The following KAT2A variants were observed in gnomAD, a reference collection of about 807,000 sequenced individuals.
The protein encoded by KAT2A is lysine acetyltransferase 2A.
In KAT2A, 42 loss-of-function variants were observed where a neutral mutation model predicts 95.2. The ratio of observed to expected loss-of-function variants is 0.44; its 90% confidence interval spans 0.34 to 0.57. The LOEUF (loss-of-function observed/expected upper bound fraction) is 0.57, where lower values mean the gene tolerates loss of function less well. Ranked by LOEUF, KAT2A falls within the 20% of genes least tolerant of loss-of-function variation. The pLI, the probability that KAT2A is intolerant of heterozygous loss-of-function variation, is 0.01. For synonymous variants in KAT2A, 449 were observed against 448.2 expected (o/e 1.00, Z -0.02); for missense variants, 784 against 1,126.3 (o/e 0.70, Z 4.35).
In KAT2A at chr17:42,121,170, T is replaced by A; in HGVS notation, c.135A>T (p.Ala45=). 1 of 1,418,652 alleles carries A rather than the reference T, an allele frequency of 7.0e-7. No individual in the cohort carries two copies. The highest frequency in any genetic ancestry group is 9.3e-7 in the Non-Finnish European group (1 of 1,069,768). The allele number at this position is 1,418,652 out of a possible 1,614,324, so 87.9% of individuals were successfully genotyped here. A position where few individuals can be genotyped will look rare whatever the true frequency, so the allele number is the denominator to read the frequency against. ...ASAPIPTPTP[A]PAPAPAAAPA... ...GGGCTGCAGCTGGGGCAGGGGCTGG[T>A]GCCGGGGTGGGAGTCGGAATCGGGG... is the stretch of plus-strand genomic sequence containing the variant. Residue 45 remains alanine (A), a synonymous_variant, in exon 1 of 18, where the codon GCA becomes GCT. Transcript: ENST00000225916.
rs782788761 is a variant in KAT2A, at chr17:42,119,542, G to A, written c.876C>T (p.Tyr292=). Residue 292 remains tyrosine (Y), a synonymous_variant, in exon 5 of 18, where the codon TAC becomes TAT. Coordinates refer to ENST00000225916, the MANE Select transcript of KAT2A (RefSeq NM_021078.3). The surrounding 1 kb of genome is among the most constrained non-coding windows in gnomAD (Gnocchi z 5.3). The part of the protein sequence containing the change: ...AEDVATYKVN[Y]TRWLCYCHVP... Reference sequence around the variant, plus strand: ...CTGCCCCTGGCTGGGCCTACCTGGTGTAATTGACCTTGTAGGTAGCCACGT... The same window carrying A: ...CTGCCCCTGGCTGGGCCTACCTGGTATAATTGACCTTGTAGGTAGCCACGT... 46 of 1,594,710 alleles carry A rather than the reference G, an allele frequency of 2.9e-5. 2 individuals are homozygous for A. In the South Asian group the frequency reaches 4.4e-4, roughly 15 times the overall value.
In KAT2A at chr17:42,119,253, G is replaced by A; in HGVS notation, c.1065C>T (p.His355=). ...GCCAGAAGGAGCCTTACTTGGGGAAGTGAGTGAGGATGAGGGTCCTCTTCT... is the reference window on the plus strand; with the variant it reads ...GCCAGAAGGAGCCTTACTTGGGGAAATGAGTGAGGATGAGGGTCCTCTTCT... ...VPEKRTLILT[H]FPKFLSMLEE... The change falls in exon 6 of 18, where the codon CAC becomes CAT. Residue 355 remains histidine (H), a synonymous_variant. Transcript: ENST00000225916. This position sits in a 1 kb window ranked among gnomAD's most constrained non-coding sequence, Gnocchi z 5.3. The A allele has an allele frequency of 6.2e-7, 1 of 1,604,250 alleles. No homozygotes were observed. The highest frequency in any genetic ancestry group is 8.5e-7 in the Non-Finnish European group (1 of 1,172,816).
Position 42,117,732 on chromosome 17 carries a change from C to T in KAT2A, c.1374G>A (p.Leu458=). The T allele has an allele frequency of 1.9e-6, 3 of 1,613,844 alleles. No individual in the cohort carries two copies. Among genetic ancestry groups the T allele is most frequent in the South Asian group, 1.1e-5 (1 of 91,058 alleles). The stretch of plus-strand genomic sequence containing the variant: ...TGATGGTCAGCATGACCTCATTGAC[C>T]AGCTCCATGGGGATGTCACCCATCA... ...LRVMGDIPME[L]VNEVMLTITD... is the part of the protein sequence containing the mutation. The change falls in exon 9 of 18, where the codon CTG becomes CTA. Residue 458 remains leucine, a synonymous_variant. Coordinates refer to ENST00000225916, the MANE Select transcript of KAT2A (RefSeq NM_021078.3). This position sits in a 1 kb window ranked among gnomAD's most constrained non-coding sequence, Gnocchi z 8.9.
chr17:42,115,638 A>G, intron 12 of KAT2A, 85 bp downstream of exon 12: 1 of 841,724 alleles, frequency 1.2e-6, no homozygotes, highest in Non-Finnish European at 2.1e-6. Context: ...ACGCAAAGGG[A>G]CTCCTACTCC....
In KAT2A at chr17:42,117,526, T is replaced by C; in HGVS notation, c.1499A>G (p.Glu500Gly). 7 of 1,613,526 alleles carry C rather than the reference T, an allele frequency of 4.3e-6. No individual in the cohort carries two copies. Among genetic ancestry groups the C allele is most frequent in the Non-Finnish European group, 5.9e-6 (7 of 1,180,028 alleles). Residue 500 changes from glutamate (E) to glycine (G), a missense_variant, in exon 10 of 18, where the codon GAG (glutamate) becomes GGG (glycine). By Grantham distance (98) the Glu-to-Gly change is moderately conservative. Around this residue, in one of 6 missense-constraint regions of KAT2A, gnomAD observed 174 missense variants for 324.9 expected, o/e 0.54. Coordinates refer to ENST00000225916, the MANE Select transcript of KAT2A (RefSeq NM_021078.3). This position sits in a 1 kb window ranked among gnomAD's most constrained non-coding sequence, Gnocchi z 8.9. ...CAGTGAGTTGCCGATGACATGGAAC[T>C]CGATGATGCCGCGGCGCTCCTCCAG... ...ARLEERRGII[E>G]FHVIGNSLTP...
chr17:42,115,654 C>T, intron 12 of KAT2A, 69 bp downstream of exon 12: 1 of 996,458 alleles, frequency 1.0e-6, no homozygotes, highest in Non-Finnish European at 1.6e-6. Flanking sequence ...ACTCCATCCA[C>T]AGAGGGGCTG....
In KAT2A at chr17:42,119,934, T is replaced by C; in HGVS notation, c.699+96A>G. 1.7e-6 allele frequency: 2 copies of C among 1,202,348 alleles called. No homozygotes were observed. Among genetic ancestry groups the C allele is most frequent in the East Asian group, 4.7e-5 (2 of 42,780 alleles). 74.5% of individuals were successfully genotyped at this position (1,202,348 alleles called of 1,614,324 possible). On this transcript the variant is annotated intron_variant, in intron 4 of 17. Coordinates refer to ENST00000225916, the MANE Select transcript of KAT2A (RefSeq NM_021078.3). This position sits in a 1 kb window ranked among gnomAD's most constrained non-coding sequence, Gnocchi z 5.3. ...CCCTTCCTTCTCTGAACCTCCCCAG[T>C]GTTCTCAGCTTGAGGAGAATGGAGA...
rs782313753 is a variant in KAT2A, at chr17:42,118,357, T to C, written c.1120A>G (p.Ile374Val). The change falls in exon 7 of 18, where the codon ATC becomes GTC. Residue 374 changes from isoleucine to valine, a missense_variant. Ile to Val is a conservative substitution (Grantham distance 29). Transcript: ENST00000225916. ...GGCATGGTGAAGCCTGACTCCCAGA[T>C]TGGAGAGTTTGCCCCATAGATCTCC... ...EEEIYGANSP[I>V]WESGFTMPPS... 1.1e-5 allele frequency: 18 copies of C among 1,613,996 alleles called. No homozygotes were observed. The highest frequency in any genetic ancestry group is 4.5e-5 in the East Asian group (2 of 44,874).
Position 42,117,961 on chromosome 17 carries a change from C to T in KAT2A, c.1237G>A (p.Gly413Arg), listed in dbSNP as rs1555666409. 3 of 1,608,734 alleles carry T rather than the reference C, an allele frequency of 1.9e-6. No individual in the cohort carries two copies. Among genetic ancestry groups the T allele is most frequent in the African/African-American group, 2.7e-5 (2 of 74,942 alleles). Reference protein sequence around the residue: ...STPIFSPSMGGGSNSSLSLDS... With the variant: ...STPIFSPSMGRGSNSSLSLDS... ...AGACTCAGGGAGCTGTTGCTGCCCC[C>T]ACCCATGCTGGGGCTGAAGATGGGG... is the stretch of plus-strand genomic sequence containing the variant. Residue 413 changes from glycine (G) to arginine (R), a missense_variant, in exon 8 of 18, where the codon GGG (glycine) becomes AGG (arginine). Coordinates refer to ENST00000225916, the MANE Select transcript of KAT2A (RefSeq NM_021078.3). This position sits in a 1 kb window ranked among gnomAD's most constrained non-coding sequence, Gnocchi z 8.9.
At chr17:42,115,615 G>C in intron 12 of KAT2A, 108 bp downstream of exon 12, 1 of 747,268 alleles carries the variant, frequency 1.3e-6, no homozygotes, top group Admixed American at 1.9e-5. Context: ...GCAGGTGTCA[G>C]GTGAAGTAGG....
Position 42,113,446 on chromosome 17 carries a change from TCA to T in KAT2A, c.*201_*202del, listed in dbSNP as rs1358804865. 2.7e-5 allele frequency: 14 copies of T among 513,594 alleles called. No individual in the cohort carries two copies. Among genetic ancestry groups the T allele is most frequent in the Non-Finnish European group, 4.4e-5 (13 of 296,402 alleles). 31.8% of individuals were successfully genotyped at this position (513,594 alleles called of 1,614,324 possible). The stretch of plus-strand genomic sequence containing the variant: ...GCTGGGCCCCAACCCAGGAGACCTC[TCA>T]CACACAGTGAAGGCTGGGACAGAGC... On this transcript the variant is annotated 3_prime_UTR_variant, in exon 18 of 18. Coordinates refer to ENST00000225916, the MANE Select transcript of KAT2A (RefSeq NM_021078.3).
chr17:42,115,185 G>T, intron 12 of KAT2A, 150 bp from the exon 13 acceptor site: 1 of 831,622 alleles, frequency 1.2e-6, no homozygotes, highest in Non-Finnish European at 1.9e-6. Context: ...GGTTCAAACT[G>T]TCCCTGGAAA....
chr17:42,115,004 C>T lies in KAT2A; in HGVS notation c.1907G>A (p.Ser636Asn), dbSNP rs781785575. The T allele has an allele frequency of 1.4e-4, 228 of 1,613,856 alleles. No individual in the cohort carries two copies. Among genetic ancestry groups the T allele is most frequent in the Non-Finnish European group, 1.8e-4 (211 of 1,179,966 alleles). Residue 636 changes from serine (S) to asparagine (N), a missense_variant, in exon 13 of 18, where the codon AGC becomes AAC. Ser to Asn is a conservative substitution (Grantham distance 46). This residue lies in a region of KAT2A where 174 missense variants were observed against 324.9 expected (regional missense o/e 0.54). Coordinates refer to ENST00000225916, the MANE Select transcript of KAT2A (RefSeq NM_021078.3). ...GFSKDIKVPKSRYLGYIKDYE... is the reference protein window; with the variant it reads ...GFSKDIKVPKNRYLGYIKDYE... ...GTCCTTGATGTAGCCCAGGTAGCGG[C>T]TCTTGGGCACCTTGATGTCCTTGGA...
chr17:42,114,184 G>A lies in KAT2A; in HGVS notation c.2235+35C>T, dbSNP rs2144027420. 1 of 1,588,934 alleles carries A rather than the reference G, an allele frequency of 6.3e-7. No homozygotes were observed. Among genetic ancestry groups the A allele is most frequent in the Non-Finnish European group, 8.6e-7 (1 of 1,167,020 alleles). ...GCATCAAGAGGCCACAGCCATTGGT[G>A]CAGGGGCCCTGGAAAGGAAACCTGG... On this transcript the variant is annotated intron_variant, in intron 16 of 17. Coordinates refer to ENST00000225916, the MANE Select transcript of KAT2A (RefSeq NM_021078.3). This position sits in a 1 kb window ranked among gnomAD's most constrained non-coding sequence, Gnocchi z 6.0.
intron 1 of KAT2A, 28 bp downstream of exon 1, chr17:42,120,938 G>T: frequency 8.0e-7 from 1 of 1,250,370 alleles, no homozygotes; most frequent in Non-Finnish European, 1.1e-6. Flanking sequence ...CCCAAGCCCC[G>T]CCCCTTCACC....
rs782773553 is a variant in KAT2A at position 42,121,131 on chromosome 17, T to A, written c.174A>T (p.Thr58=). Residue 58 remains threonine, a synonymous_variant, in exon 1 of 18, where the codon ACA becomes ACT. Transcript: ENST00000225916. ...PAPAAAPAGS[T]GTGGPGVGSG... ...TTCCTACCCCGGGCCCCCCAGTCCCTGTGCTGCCGGCTGGGGCTGCAGCTG... is the reference window on the plus strand; with the variant it reads ...TTCCTACCCCGGGCCCCCCAGTCCCAGTGCTGCCGGCTGGGGCTGCAGCTG... 1.5e-5 allele frequency: 23 copies of A among 1,493,132 alleles called. No individual in the cohort carries two copies. In the African/African-American group the frequency reaches 2.8e-4, roughly 18 times the overall value. The allele number at this position is 1,493,132 out of a possible 1,614,324, so 92.5% of individuals were successfully genotyped here.
Position 42,117,626 on chromosome 17 carries a change from G to C in KAT2A, c.1429-30C>G. The C allele has an allele frequency of 1.2e-6, 2 of 1,606,956 alleles. No individual in the cohort carries two copies. Among genetic ancestry groups the C allele is most frequent in the Non-Finnish European group, 1.7e-6 (2 of 1,175,496 alleles). Reference sequence around the variant, plus strand: ...GCACAGAAGAGGGGTGGTGAGCCGGGGTCTCAGGTTGGTGGGGGTCCCCCA... The same window carrying C: ...GCACAGAAGAGGGGTGGTGAGCCGGCGTCTCAGGTTGGTGGGGGTCCCCCA... On this transcript the variant is annotated intron_variant, in intron 9 of 17. Coordinates refer to ENST00000225916, the MANE Select transcript of KAT2A (RefSeq NM_021078.3). This position sits in a 1 kb window ranked among gnomAD's most constrained non-coding sequence, Gnocchi z 8.9.
intron 12 of KAT2A, 32 bp from the exon 13 acceptor site, chr17:42,115,067 C>T (rs2054236409): frequency 6.2e-7 from 1 of 1,607,472 alleles, no homozygotes; most frequent in South Asian, 1.1e-5. Flanking sequence ...CCCAGTCCAT[C>T]CATAAGTATT....
rs782601740 is a variant in KAT2A at position 42,119,588 on chromosome 17, C to T, written c.830G>A (p.Arg277Gln). ...YWKLETPAQF[R>Q]QRSQAEDVAT... ...CACGTCCTCAGCCTGAGACCTCTGCCGAAACTGGGCAGGTGTCTCAAGCTT... is the reference window on the plus strand; with the variant it reads ...CACGTCCTCAGCCTGAGACCTCTGCTGAAACTGGGCAGGTGTCTCAAGCTT... The change falls in exon 5 of 18, where the codon CGG becomes CAG. Residue 277 changes from arginine (R) to glutamine (Q), a missense_variant. Physicochemically the swap from Arg to Gln is conservative, Grantham distance 43 (BLOSUM62 1). Coordinates refer to ENST00000225916, the MANE Select transcript of KAT2A (RefSeq NM_021078.3). The surrounding 1 kb of genome is among the most constrained non-coding windows in gnomAD (Gnocchi z 5.3). The T allele has an allele frequency of 1.7e-5, 28 of 1,612,602 alleles. No homozygotes were observed. Among genetic ancestry groups the T allele is most frequent in the Non-Finnish European group, 2.3e-5 (27 of 1,179,190 alleles).
Sources: allele counts gnomAD v4.1 joint callset, GRCh38; gene constraint gnomAD v4.1.1; regional missense constraint gnomAD v4.1.1; non-coding constraint Gnocchi (gnomAD v3.1); transcripts MANE v1.5; gene names NCBI Gene and HGNC (gene_info 2026-07-23, HGNC 2026-07-21).